CDC42: variants seen among roughly 807,000 people sequenced by gnomAD.
CDC42 encodes the protein cell division cycle 42, also known as cell division control protein 42 homolog.
Under a neutral mutation model 20.8 loss-of-function variants are expected in CDC42, and 1 was observed. That is an observed-to-expected ratio of 0.05 (90% CI 0.02 to 0.23). CDC42 has a LOEUF of 0.23. Among genes scored for constraint, CDC42 ranks in the 10% least tolerant of loss-of-function variants. CDC42 has a pLI of 1.00. For synonymous variants in CDC42, 72 were observed against 84.8 expected, an observed-to-expected ratio of 0.85 and a Z score of 0.83; for missense variants, 49 against 227.9, an observed-to-expected ratio of 0.21 and a Z score of 5.05.
intron 1 of CDC42, among the ~76,000 whole-genome samples, chr1:22,073,820 ATT>A (rs71797961): frequency 1.3e-5 from 2 of 150,086 alleles, no homozygotes; most frequent in East Asian, 2.0e-4. Context: ...CACCCAGCTA[ATT>A]TTTTTTTTTG....
intron 1 of CDC42, among the ~76,000 whole-genome samples, chr1:22,063,669 G>A (rs1037010292): frequency 6.6e-6 from 1 of 152,080 alleles, no homozygotes; most frequent in Non-Finnish European, 1.5e-5. Flanking sequence ...ACAAAAAAAG[G>A]ATTTAACAGT....
At chr1:22,078,919 T>G in intron 2 of CDC42, 45 of 1,134,314 alleles carry the variant, frequency 4.0e-5, no homozygotes, top group Non-Finnish European at 4.4e-5. Flanking sequence ...TTTTGGCCAA[T>G]TATTGATCAG....
At chr1:22,090,658 C>T (rs1174370464) in intron 5 of CDC42, 1 of 985,208 alleles carries the variant, frequency 1.0e-6, no homozygotes, top group African/African-American at 1.7e-5. Context: ...GAATAACATC[C>T]ATTTAAACAG....
rs1645768772 is a variant in CDC42 at position 22,098,058 on chromosome 1, T to G, written c.*6541T>G. On this transcript the variant is annotated 3_prime_UTR_variant, in exon 6 of 6. Transcript: ENST00000656825. ...CTGATGCGTCCCGCAGAGCAGTGCTTTTTCTCGGTGTGAACTGTGGATCAC... is the reference window on the plus strand; with the variant it reads ...CTGATGCGTCCCGCAGAGCAGTGCTGTTTCTCGGTGTGAACTGTGGATCAC... Among the ~76,000 whole-genome samples the G allele has an allele frequency of 1.3e-5, 2 of 152,124 alleles. No individual in the cohort carries two copies. Among genetic ancestry groups the G allele is most frequent in the South Asian group, 2.1e-4 (1 of 4,804 alleles).
chr1:22,062,914 G>T lies in CDC42; in HGVS notation c.-51+10172G>T, dbSNP rs78986575. 5.9e-3 allele frequency among the ~76,000 whole-genome samples: 901 copies of T among 152,116 alleles called. 3 individuals carry two copies. The highest frequency in any genetic ancestry group is 9.8e-3 in the Non-Finnish European group (666 of 68,014). On this transcript the variant is annotated intron_variant, in intron 1 of 5. Transcript: ENST00000656825. ...ATTTCTATGCTACTACCGCAGGGCA[G>T]ATCCTCCATTTCAATCTTAGATTAT...
intron 1 of CDC42, among the ~76,000 whole-genome samples, chr1:22,056,602 A>G (rs1645307017): frequency 6.6e-6 from 1 of 152,132 alleles, no homozygotes; most frequent in African/African-American, 2.4e-5. Context: ...TACTAAAGCA[A>G]TTTTCATTAC....
In CDC42 at chr1:22,093,856, G is replaced by A. The variant is rs1645738177; in HGVS notation, c.*2339G>A. The stretch of plus-strand genomic sequence containing the variant: ...ATATCTTTGTCCTAAAGCAATGCTT[G>A]ACATGATATGGCTCTAGAAGTAGTC... On this transcript the variant is annotated 3_prime_UTR_variant, in exon 6 of 6. Transcript: ENST00000656825. 1.3e-5 allele frequency among the ~76,000 whole-genome samples: 2 copies of A among 152,186 alleles called. No individual in the cohort carries two copies. The highest frequency in any genetic ancestry group is 4.8e-5 in the African/African-American group (2 of 41,434).
rs1645280638 is a variant in CDC42 at position 22,054,907 on chromosome 1, ATATATATATATATATTTTTTTTTTTTT to A, written c.-51+2167_-51+2193del. The stretch of plus-strand genomic sequence containing the variant: ...TGAATTTATGTATATATATATATAT[ATATATATATATATATTTTTTTTTTTTT>A]TTTTTTTTTTTTTTTTTTTTTTTTT... On this transcript the variant is annotated intron_variant, in intron 1 of 5. Transcript: ENST00000656825. Among the ~76,000 whole-genome samples the A allele has an allele frequency of 9.8e-4, 12 of 12,210 alleles. 1 individual carries two copies. Among genetic ancestry groups the A allele is most frequent in the Admixed American group, 9.5e-3 (6 of 632 alleles). The allele number at this position is 12,210 out of a possible 152,430, so 8.0% of individuals were successfully genotyped here.
At chr1:22,069,170 C>CTT (rs71724070) in intron 1 of CDC42, among the ~76,000 whole-genome samples, 84 of 80,808 alleles carry the variant, frequency 1.0e-3, no homozygotes, top group East Asian at 1.5e-3. Flanking sequence ...CATTTTATTC[C>CTT]TTTTTTTTTT....
intron 1 of CDC42, among the ~76,000 whole-genome samples, chr1:22,070,665 T>C (rs891217575): frequency 4.6e-5 from 7 of 151,838 alleles, no homozygotes; most frequent in East Asian, 1.9e-4. Flanking sequence ...AGGGTTTCAC[T>C]GTGTTAGCCA....
rs1402052091 is a variant in CDC42, at chr1:22,095,853, A to C, written c.*4336A>C. ...TGCTTATGGTGGGCCAAAGAGGGGC[A>C]AGGGAAAGCGCATTTACACTTTCTC... On this transcript the variant is annotated 3_prime_UTR_variant, in exon 6 of 6. Coordinates refer to ENST00000656825, the MANE Select transcript of CDC42 (RefSeq NM_001791.4). Among the ~76,000 whole-genome samples, 1 of 152,088 alleles carries C rather than the reference A, an allele frequency of 6.6e-6. No individual in the cohort carries two copies. The highest frequency in any genetic ancestry group is 2.4e-5 in the African/African-American group (1 of 41,328).
intron 1 of CDC42, among the ~76,000 whole-genome samples, chr1:22,058,553 A>G (rs1386914624): frequency 1.4e-5 from 2 of 147,278 alleles, no homozygotes; most frequent in African/African-American, 5.0e-5. Flanking sequence ...CATGATCTCC[A>G]CTCACTGCAA....
At chr1:22,054,344 T>G (rs1193415060) in intron 1 of CDC42, among the ~76,000 whole-genome samples, 4 of 151,908 alleles carry the variant, frequency 2.6e-5, no homozygotes, top group Non-Finnish European at 5.9e-5. Flanking sequence ...GCCTCCCGAG[T>G]AGCTGGTACT....
At chr1:22,055,032 C>A (rs1645288986) in intron 1 of CDC42, among the ~76,000 whole-genome samples, 1 of 140,670 alleles carries the variant, frequency 7.1e-6, no homozygotes, top group South Asian at 2.4e-4. Flanking sequence ...CAGCTCACTG[C>A]AAGCTCCGCC....
At position 22,094,513 on chromosome 1, in the gene CDC42, G is replaced by T. The variant is rs1486234835; in HGVS notation, c.*2996G>T. 2.0e-5 allele frequency among the ~76,000 whole-genome samples: 3 copies of T among 147,214 alleles called. No individual in the cohort carries two copies. The highest frequency in any genetic ancestry group is 4.4e-5 in the Non-Finnish European group (3 of 67,606). ...GGGGTTTCACCGTGTTAGCCAGAAT[G>T]GTCTCGATCTCCTGACCTCGTGATC... is the stretch of plus-strand genomic sequence containing the variant. On this transcript the variant is annotated 3_prime_UTR_variant, in exon 6 of 6. Coordinates refer to ENST00000656825, the MANE Select transcript of CDC42 (RefSeq NM_001791.4).
At chr1:22,066,560 C>G (rs1463507075) in intron 1 of CDC42, among the ~76,000 whole-genome samples, 1 of 151,932 alleles carries the variant, frequency 6.6e-6, no homozygotes, top group East Asian at 1.9e-4. Context: ...TTTCTACTGC[C>G]ATATGACAGA....
intron 1 of CDC42, among the ~76,000 whole-genome samples, chr1:22,057,243 A>G (rs868054027): frequency 3.0e-4 from 46 of 152,258 alleles, no homozygotes; most frequent in African/African-American, 1.1e-3. Flanking sequence ...TCACTGGCAC[A>G]TAGTGAGTGC....
rs1645762342 is a variant in CDC42, at chr1:22,096,938, ATGT to A, written c.*5425_*5427del. Among the ~76,000 whole-genome samples the A allele has an allele frequency of 6.6e-6, 1 of 152,224 alleles. No individual in the cohort carries two copies. Among genetic ancestry groups the A allele is most frequent in the Non-Finnish European group, 1.5e-5 (1 of 68,042 alleles). ...GCACAACTTGGACAGTTCATACACA[ATGT>A]TGTATTGAGATGATTGTTATTCTAC... On this transcript the variant is annotated 3_prime_UTR_variant, in exon 6 of 6. Transcript: ENST00000656825.
intron 1 of CDC42, among the ~76,000 whole-genome samples, chr1:22,069,826 C>G (rs988706604): frequency 1.3e-5 from 2 of 148,174 alleles, no homozygotes; most frequent in Non-Finnish European, 3.0e-5. Context: ...TAGCATCTCC[C>G]TGTGTTGCCC....
Sources: allele counts gnomAD v4.1 joint callset (sites outside exome capture counted in the v4.1 genomes callset), GRCh38; gene constraint gnomAD v4.1.1; transcripts MANE v1.5; gene names NCBI Gene and HGNC (gene_info 2026-07-23, HGNC 2026-07-21).